Variants in OTOGL observed in about 807,000 individuals in gnomAD.
OTOGL encodes otogelin like.
A neutral mutation model predicts 318.5 loss-of-function variants in OTOGL; 285 were observed. That is an observed-to-expected ratio of 0.89 (90% CI 0.81 to 0.99). The LOEUF is 0.99. Among genes scored for constraint, OTOGL ranks in the 50% least tolerant of loss-of-function variants. The pLI is 0.00. For synonymous variants in OTOGL, 987 were observed against 936.5 expected (o/e 1.05, Z -0.99); for missense variants, 2,899 against 2,845.6 (o/e 1.02, Z -0.43).
rs539063908 is a variant in OTOGL, at chr12:80,279,940, C to T, written c.2928+774C>T. ...TAGCAGTGTATAAGCATTCCCTGTT[C>T]TTCGCAACCTTGCCAACATCTGTTT... On this transcript the variant is annotated intron_variant, in intron 26 of 58. Transcript: ENST00000547103. Among the ~76,000 whole-genome samples, 3 of 151,966 alleles carry T rather than the reference C, an allele frequency of 2.0e-5. No homozygotes were observed. The East Asian group carries it at 5.8e-4, about 29-fold the overall frequency.
chr12:80,106,460 T>G (rs1265996210), intron 1 of OTOGL, among the ~76,000 whole-genome samples: 1 of 152,206 alleles, frequency 6.6e-6, no homozygotes, highest in Non-Finnish European at 1.5e-5. Flanking sequence ...TTTTCTTCTT[T>G]CCTGTTCCTC....
Position 80,361,448 on chromosome 12 carries a change from G to C in OTOGL, c.6267+2548G>C, listed in dbSNP as rs537458173. Among the ~76,000 whole-genome samples the C allele has an allele frequency of 1.9e-4, 28 of 146,024 alleles. 1 individual carries two copies. The South Asian group carries it at 6.1e-3, about 32-fold the overall frequency. On this transcript the variant is annotated intron_variant, in intron 52 of 58. Coordinates refer to ENST00000547103, the MANE Select transcript of OTOGL (RefSeq NM_001378609.3). ...GAATAGTGCTGCAGTAAACATGGGAGTGCAGATATCTCTACGATATAGTGA... is the reference window on the plus strand; with the variant it reads ...GAATAGTGCTGCAGTAAACATGGGACTGCAGATATCTCTACGATATAGTGA...
At chr12:80,149,879 C>T (rs1872667752) in intron 1 of OTOGL, among the ~76,000 whole-genome samples, 1 of 152,206 alleles carries the variant, frequency 6.6e-6, no homozygotes, top group Non-Finnish European at 1.5e-5. Context: ...CCTTGCACTT[C>T]CCGAGTGAGG....
At chr12:80,146,780 G>T (rs964916135) in intron 1 of OTOGL, among the ~76,000 whole-genome samples, 1 of 151,052 alleles carries the variant, frequency 6.6e-6, no homozygotes, top group Non-Finnish European at 1.5e-5. Flanking sequence ...TCCTGGTTTA[G>T]TCTTGGGAGA....
chr12:80,184,856 C>T (rs1875177576), intron 1 of OTOGL, among the ~76,000 whole-genome samples: 1 of 152,108 alleles, frequency 6.6e-6, no homozygotes, highest in African/African-American at 2.4e-5. Flanking sequence ...TTCTCCCTCC[C>T]ATTTATTTTC....
At chr12:80,344,533 T>G (rs943817589) in intron 44 of OTOGL, among the ~76,000 whole-genome samples, 8 of 152,126 alleles carry the variant, frequency 5.3e-5, no homozygotes, top group African/African-American at 1.9e-4. Context: ...TTACTTAAAG[T>G]GTGTGGGTTT....
chr12:80,127,291 TCA>T (rs781543155), intron 1 of OTOGL, among the ~76,000 whole-genome samples: 24 of 152,254 alleles, frequency 1.6e-4, no homozygotes, highest in Admixed American at 3.9e-4. Flanking sequence ...TATTTCTCCT[TCA>T]CTTATGAAGC....
chr12:80,274,217 T>G (rs753610534), intron 24 of OTOGL, among the ~76,000 whole-genome samples: 3 of 152,106 alleles, frequency 2.0e-5, no homozygotes, highest in Admixed American at 6.6e-5. Context: ...CTAGTCCTTT[T>G]GCAACAGTTA....
intron 27 of OTOGL, among the ~76,000 whole-genome samples, chr12:80,298,354 G>C (rs1360089244): frequency 5.3e-5 from 8 of 152,130 alleles, no homozygotes; most frequent in Non-Finnish European, 1.0e-4. Flanking sequence ...CGGAACCTCT[G>C]TTCCATTACC....
At chr12:80,247,026 T>G (rs1188140321) in intron 11 of OTOGL, among the ~76,000 whole-genome samples, 1 of 88,812 alleles carries the variant, frequency 1.1e-5, no homozygotes, top group Non-Finnish European at 2.1e-5. Flanking sequence ...TTATCATTTT[T>G]TATTGTGTCT....
intron 5 of OTOGL, among the ~76,000 whole-genome samples, chr12:80,217,975 A>G (rs1877908312): frequency 6.6e-6 from 1 of 152,156 alleles, no homozygotes; most frequent in Non-Finnish European, 1.5e-5. Flanking sequence ...CCAATTCCCC[A>G]TTTCCATTAA....
chr12:80,131,958 C>A (rs369778863), intron 1 of OTOGL: 7 of 152,250 alleles, frequency 4.6e-5, no homozygotes, highest in African/African-American at 1.4e-4. Flanking sequence ...TAAGAACATA[C>A]AATATCAATA....
At chr12:80,349,503 C>T (rs79599443) in intron 44 of OTOGL, among the ~76,000 whole-genome samples, 1 of 151,916 alleles carries the variant, frequency 6.6e-6, no homozygotes, top group East Asian at 1.9e-4. Flanking sequence ...GAATGAGAGG[C>T]AGGTAGAAGA....
chr12:80,180,414 G>A (rs1874838602), intron 1 of OTOGL, among the ~76,000 whole-genome samples: 1 of 152,168 alleles, frequency 6.6e-6, no homozygotes, highest in Non-Finnish European at 1.5e-5. Context: ...AATATCAAAA[G>A]CCCATGGGCA....
intron 1 of OTOGL, among the ~76,000 whole-genome samples, chr12:80,140,949 C>G (rs968317228): frequency 1.3e-5 from 2 of 152,048 alleles, no homozygotes; most frequent in Non-Finnish European, 2.9e-5. Flanking sequence ...GTTCAACTAA[C>G]TTACCAAATA....
intron 29 of OTOGL, among the ~76,000 whole-genome samples, chr12:80,305,943 T>C (rs1251423831): frequency 6.6e-6 from 1 of 152,188 alleles, no homozygotes; most frequent in Non-Finnish European, 1.5e-5. Context: ...TGTCTAATAT[T>C]ATATGGTTAG....
Position 80,102,886 on chromosome 12 carries a change from G to T in OTOGL, c.-20+3281G>T, listed in dbSNP as rs111869755. On this transcript the variant is annotated intron_variant, in intron 1 of 58. Coordinates refer to ENST00000547103, the MANE Select transcript of OTOGL (RefSeq NM_001378609.3). ...TTGTTTCAAGTTTTAATCAAAGCTT[G>T]TATATAAGATTATTCCTCCATCTTC... 7.2e-3 allele frequency: 5,694 copies of T among 786,010 alleles called. 210 individuals carry two copies. In the African/African-American group the frequency reaches 0.084, roughly 12 times the overall value. 48.7% of individuals were successfully genotyped at this position (786,010 alleles called of 1,614,324 possible).
chr12:80,272,699 T>G (rs950156730), intron 24 of OTOGL, among the ~76,000 whole-genome samples: 4 of 151,942 alleles, frequency 2.6e-5, no homozygotes, highest in African/African-American at 9.7e-5. Flanking sequence ...AAGAGCGAGG[T>G]CTTGTGGTTT....
chr12:80,368,045 A>G (rs1031906083), intron 54 of OTOGL, among the ~76,000 whole-genome samples, 160 bp from the exon 55 acceptor site: 2 of 152,122 alleles, frequency 1.3e-5, no homozygotes, highest in African/African-American at 4.8e-5. Flanking sequence ...ATATAACCAT[A>G]TAAAGTCAAT....
Sources: allele counts gnomAD v4.1 joint callset (sites outside exome capture counted in the v4.1 genomes callset), GRCh38; gene constraint gnomAD v4.1.1; transcripts MANE v1.5; gene names NCBI Gene and HGNC (gene_info 2026-07-23, HGNC 2026-07-21).